CDYL: variants seen among roughly 807,000 people sequenced by gnomAD.
CDYL encodes chromodomain Y like, also known as chromodomain Y-like protein.
In CDYL, 8 loss-of-function variants were observed where a neutral mutation model predicts 47.3. The ratio of observed to expected loss-of-function variants is 0.17; its 90% CI spans 0.10 to 0.31. The LOEUF (loss-of-function observed/expected upper bound fraction) is 0.31. Ranked by LOEUF, CDYL falls within the 10% of genes least tolerant of loss-of-function variation. The pLI, the probability that CDYL is intolerant of heterozygous loss-of-function variation, is 1.00. For missense variants in CDYL, 471 were observed against 701.4 expected (o/e 0.67, Z 3.71); for synonymous variants, 266 against 265.0 (o/e 1.00, Z -0.04).
intron 2 of CDYL, among the ~76,000 whole-genome samples, chr6:4,899,997 T>C (rs1049445613): frequency 6.6e-6 from 1 of 152,156 alleles, no homozygotes; most frequent in African/African-American, 2.4e-5. Flanking sequence ...GCTCCAGAAA[T>C]GTTAACACAC....
intron 3 of CDYL, among the ~76,000 whole-genome samples, chr6:4,742,618 A>C (rs1757817026): frequency 6.6e-6 from 1 of 152,224 alleles, no homozygotes; most frequent in African/African-American, 2.4e-5. Flanking sequence ...GAAATATTGC[A>C]GGTATTGGTC....
At chr6:4,819,496 G>T (rs1453367560) in intron 1 of CDYL, among the ~76,000 whole-genome samples, 1 of 152,074 alleles carries the variant, frequency 6.6e-6, no homozygotes. Context: ...CAACCTTCAT[G>T]TATTGGGAAC....
rs1760713949 is a variant in CDYL at position 4,848,084 on chromosome 6, A to G, written c.25-43629A>G. Among the ~76,000 whole-genome samples the G allele has an allele frequency of 2.6e-5, 4 of 152,228 alleles. No individual in the cohort carries two copies. The South Asian group carries it at 8.3e-4, about 31-fold the overall frequency. On this transcript the variant is annotated intron_variant, in intron 1 of 6. Coordinates refer to ENST00000397588, the MANE Select transcript of CDYL (RefSeq NM_004824.4). The stretch of plus-strand genomic sequence containing the variant: ...TACTGGCTTATGCTTTTGCTTATAG[A>G]TATTGAAATTTAATAAAATTTAACC...
At chr6:4,953,208 A>ACCC (rs1439063597) in intron 6 of CDYL, among the ~76,000 whole-genome samples, 1 of 151,680 alleles carries the variant, frequency 6.6e-6, no homozygotes, top group African/African-American at 2.4e-5. Flanking sequence ...ACATGGCAAA[A>ACCC]CCCCGTCTGT....
intron 1 of CDYL, among the ~76,000 whole-genome samples, chr6:4,875,977 C>G (rs1761609900): frequency 6.6e-6 from 1 of 152,146 alleles, no homozygotes; most frequent in African/African-American, 2.4e-5. Context: ...AATTTCCTAA[C>G]AATGAAATGT....
At chr6:4,769,965 T>TTGTGTGTGTGTGTG (rs58041362) in intron 3 of CDYL, among the ~76,000 whole-genome samples, 9 of 137,906 alleles carry the variant, frequency 6.5e-5, no homozygotes, top group African/African-American at 1.6e-4. Context: ...CCCGGCTAAT[T>TTGTGTGTGTGTGTG]TGTGTGTGTG....
chr6:4,951,964 A>C (rs1214576512), intron 5 of CDYL, among the ~76,000 whole-genome samples: 1 of 152,140 alleles, frequency 6.6e-6, no homozygotes. Context: ...TGGCAAAAAG[A>C]CCTTTTCTAT....
intron 3 of CDYL, among the ~76,000 whole-genome samples, chr6:4,748,694 TA>T (rs969660663): frequency 8.5e-6 from 1 of 117,176 alleles, no homozygotes; most frequent in Non-Finnish European, 1.9e-5. Context: ...CAAATTTTAG[TA>T]AAAAAAAATA....
chr6:4,710,375 G>GGAAGGAAGGAA (rs1554130866), intron 1 of CDYL, among the ~76,000 whole-genome samples: 1 of 33,538 alleles, frequency 3.0e-5, no homozygotes, highest in Non-Finnish European at 9.2e-5. Flanking sequence ...GAGGGAGGGA[G>GGAAGGAAGGAA]GGAGGGAAGG....
In CDYL at chr6:4,955,173, C is replaced by A. The variant is rs1410216937; in HGVS notation, c.*1117C>A. The A allele has an allele frequency of 3.3e-5, 5 of 152,522 alleles. No homozygotes were observed. The highest frequency in any genetic ancestry group is 5.9e-5 in the Non-Finnish European group (4 of 68,018). The allele number at this position is 152,522 out of a possible 1,614,324, so 9.4% of individuals were successfully genotyped here. A position where few individuals can be genotyped will look rare whatever the true frequency, so the allele number is the denominator to read the frequency against. Reference sequence around the variant, plus strand: ...GAGTTCAGTATGGTGTCCAAGAGTGCCCTGTGTGGATAGACATGTGCACTC... The same window carrying A: ...GAGTTCAGTATGGTGTCCAAGAGTGACCTGTGTGGATAGACATGTGCACTC... On this transcript the variant is annotated 3_prime_UTR_variant, in exon 7 of 7. Transcript: ENST00000397588.
upstream of CDYL, among the ~76,000 whole-genome samples, chr6:4,771,580 A>G (rs991062760): frequency 3.3e-5 from 5 of 152,112 alleles, no homozygotes; most frequent in Non-Finnish European, 7.4e-5. Flanking sequence ...ACTCATTTAC[A>G]CTTTGCTTTA....
At chr6:4,946,882 C>T (rs970621121) in intron 5 of CDYL, among the ~76,000 whole-genome samples, 7 of 152,200 alleles carry the variant, frequency 4.6e-5, no homozygotes, top group Non-Finnish European at 1.0e-4. Context: ...CCCCTCCCTA[C>T]TCAGCCCTGG....
At chr6:4,809,580 A>C (rs974003205) in intron 1 of CDYL, among the ~76,000 whole-genome samples, 1 of 148,666 alleles carries the variant, frequency 6.7e-6, no homozygotes, top group Non-Finnish European at 1.5e-5. Flanking sequence ...TAGGGGTATT[A>C]TATTAGTCCT....
At chr6:4,812,685 C>T (rs1759562927) in intron 1 of CDYL, among the ~76,000 whole-genome samples, 1 of 152,028 alleles carries the variant, frequency 6.6e-6, no homozygotes, top group African/African-American at 2.4e-5. Flanking sequence ...AATTTAAAAT[C>T]AGCCTGTCAA....
intron 2 of CDYL, among the ~76,000 whole-genome samples, chr6:4,895,164 CAT>C (rs1762191396): frequency 3.4e-5 from 1 of 29,152 alleles, no homozygotes; most frequent in African/African-American, 4.3e-5. Flanking sequence ...CATACATGTA[CAT>C]ATGTGTATGT....
chr6:4,846,831 C>G (rs1760674453), intron 1 of CDYL, among the ~76,000 whole-genome samples: 1 of 152,128 alleles, frequency 6.6e-6, no homozygotes, highest in African/African-American at 2.4e-5. Flanking sequence ...AGTTGTAAGC[C>G]AAGACTGTTT....
intron 1 of CDYL, among the ~76,000 whole-genome samples, chr6:4,888,328 C>G (rs557524846): frequency 6.6e-6 from 1 of 151,942 alleles, no homozygotes; most frequent in African/African-American, 2.4e-5. Context: ...TTTTGATGAT[C>G]AGTCTTATAT....
intron 3 of CDYL, among the ~76,000 whole-genome samples, chr6:4,742,257 A>G (rs1757810720): frequency 6.6e-6 from 1 of 151,908 alleles, no homozygotes; most frequent in East Asian, 1.9e-4. Flanking sequence ...AGTCCCAGCT[A>G]CTTGGGAAAC....
At chr6:4,760,704 G>A (rs2127422811) in intron 3 of CDYL, among the ~76,000 whole-genome samples, 1 of 152,288 alleles carries the variant, frequency 6.6e-6, no homozygotes, top group Non-Finnish European at 1.5e-5. Flanking sequence ...GGACCAAGAG[G>A]AAGCCTGACA....
Sources: allele counts gnomAD v4.1 joint callset (sites outside exome capture counted in the v4.1 genomes callset), GRCh38; gene constraint gnomAD v4.1.1; transcripts MANE v1.5; gene names NCBI Gene and HGNC (gene_info 2026-07-23, HGNC 2026-07-21).